The following ZBBX variants were observed in gnomAD, a reference collection of about 807,000 sequenced individuals.
The protein encoded by ZBBX is zinc finger B-box domain containing.
A neutral mutation model predicts 108.5 loss-of-function variants in ZBBX; 101 were observed. That is an observed-to-expected ratio of 0.93 (90% CI 0.79 to 1.10). ZBBX has a LOEUF of 1.10. Among genes scored for constraint, ZBBX ranks in the 50% least tolerant of loss-of-function variants. The pLI, the probability that ZBBX is intolerant of heterozygous loss-of-function variation, is 0.00. For missense variants in ZBBX, 1,009 were observed against 941.4 expected (o/e 1.07, Z -0.94); for synonymous variants, 356 against 323.4 (o/e 1.10, Z -1.08).
At chr3:167,273,487 C>T (rs894460303) in intron 20 of ZBBX, among the ~76,000 whole-genome samples, 2 of 152,186 alleles carry the variant, frequency 1.3e-5, no homozygotes, top group Admixed American at 6.5e-5. Flanking sequence ...CCCCAAGGGC[C>T]ATTCAGCTTC....
intron 1 of ZBBX, among the ~76,000 whole-genome samples, chr3:167,400,625 G>A (rs1443904021): frequency 6.6e-6 from 1 of 152,018 alleles, no homozygotes; most frequent in Non-Finnish European, 1.5e-5. Flanking sequence ...ACAGGTATCA[G>A]TTAATTTAGA....
At chr3:167,222,216 T>C in the ZBBX span, among the ~76,000 whole-genome samples, 2 of 24,994 alleles carry the variant, frequency 8.0e-5, no homozygotes, top group Non-Finnish European at 1.5e-4. Flanking sequence ...TGGAGTACTA[T>C]TTGGCCAAAA....
At chr3:167,317,448 A>G (rs779990418) in intron 13 of ZBBX, 40 bp downstream of exon 13, 1 of 1,469,020 alleles carries the variant, frequency 6.8e-7, no homozygotes, top group Admixed American at 2.0e-5. Flanking sequence ...ATAACTTGAG[A>G]CAATACATTT....
intron 16 of ZBBX, among the ~76,000 whole-genome samples, chr3:167,312,515 G>A (rs963038473): frequency 2.6e-5 from 4 of 152,130 alleles, no homozygotes; most frequent in African/African-American, 9.7e-5. Flanking sequence ...GATAATGGGG[G>A]AGGCTATGTA....
intron 20 of ZBBX, among the ~76,000 whole-genome samples, chr3:167,245,656 G>C (rs1721442580): frequency 6.6e-6 from 1 of 152,046 alleles, no homozygotes; most frequent in Non-Finnish European, 1.5e-5. Flanking sequence ...GTTCTCATGA[G>C]ATCTGGTTGT....
upstream of ZBBX, among the ~76,000 whole-genome samples, chr3:167,381,912 A>G (rs947520307): frequency 3.3e-5 from 5 of 152,226 alleles, no homozygotes; most frequent in Admixed American, 2.6e-4. Context: ...GTTTTAGGGT[A>G]GATGGCCAGG....
chr3:167,280,327 T>A (rs1255367961), intron 20 of ZBBX, among the ~76,000 whole-genome samples: 4 of 145,752 alleles, frequency 2.7e-5, no homozygotes, highest in Non-Finnish European at 6.0e-5. Flanking sequence ...ACCTATAAAA[T>A]GGGAGAAAAT....
At chr3:167,330,959 C>CTT (rs1388128203) in intron 10 of ZBBX, among the ~76,000 whole-genome samples, 21 of 147,048 alleles carry the variant, frequency 1.4e-4, no homozygotes, top group Non-Finnish European at 2.4e-4. Flanking sequence ...CTCTCTCTCT[C>CTT]TCTCTCCCCC....
chr3:167,185,020 T>C, the ZBBX span, among the ~76,000 whole-genome samples: 3 of 152,148 alleles, frequency 2.0e-5, no homozygotes, highest in East Asian at 1.9e-4. Flanking sequence ...CAAATGCATG[T>C]GAATCTAAAT....
upstream of ZBBX, among the ~76,000 whole-genome samples, chr3:167,381,599 G>A (rs1405632321): frequency 2.0e-5 from 3 of 152,126 alleles, no homozygotes; most frequent in East Asian, 1.9e-4. Flanking sequence ...AGGTGGATGT[G>A]CGATACTACT....
chr3:167,404,515 C>T (rs1748521815), intron 1 of ZBBX, among the ~76,000 whole-genome samples: 1 of 136,602 alleles, frequency 7.3e-6, no homozygotes, highest in Non-Finnish European at 1.5e-5. Context: ...GAGGCAAACC[C>T]TAAATCCACT....
chr3:167,323,784 T>C (rs1296456631), intron 11 of ZBBX, among the ~76,000 whole-genome samples: 1 of 151,964 alleles, frequency 6.6e-6, no homozygotes, highest in Non-Finnish European at 1.5e-5. Context: ...GAAGAACGGG[T>C]AGAAGTCAAG....
chr3:167,312,307 G>C (rs1245504655), intron 16 of ZBBX, among the ~76,000 whole-genome samples: 1 of 152,316 alleles, frequency 6.6e-6, no homozygotes, highest in South Asian at 2.1e-4. Context: ...GTGGGGCACA[G>C]AGAATTTTTA....
At chr3:167,279,947 A>G (rs1228362126) in intron 20 of ZBBX, among the ~76,000 whole-genome samples, 1 of 151,968 alleles carries the variant, frequency 6.6e-6, no homozygotes, top group East Asian at 2.0e-4. Context: ...AACGCCGCAT[A>G]TCTACAGCTA....
intron 20 of ZBBX, among the ~76,000 whole-genome samples, chr3:167,256,558 T>A (rs1018403731): frequency 6.6e-6 from 1 of 152,044 alleles, no homozygotes; most frequent in African/African-American, 2.4e-5. Context: ...TTATGTATTA[T>A]TTCTAACTAT....
At chr3:167,334,715 T>C (rs1477619765) in intron 9 of ZBBX, among the ~76,000 whole-genome samples, 2 of 152,178 alleles carry the variant, frequency 1.3e-5, no homozygotes, top group East Asian at 1.9e-4. Flanking sequence ...CTTTCCACTA[T>C]GCACACCCCC....
At position 167,327,989 on chromosome 3, in the gene ZBBX, C is replaced by G; in HGVS notation, c.815G>C (p.Gly272Ala). The part of the protein sequence containing the change: ...FQEVLSQWRT[G>A]NHDDNKKQNL... ...CTGTTTCTTGTTGTCATCATGATTT[C>G]CGGTTCTCCATTGACTTAACACTTC... The change falls in exon 11 of 22, where the codon GGA becomes GCA. Residue 272 changes from glycine to alanine, a missense_variant. Transcript: ENST00000675490. 1.2e-6 allele frequency: 2 copies of G among 1,606,486 alleles called. No homozygotes were observed. The highest frequency in any genetic ancestry group is 1.7e-6 in the Non-Finnish European group (2 of 1,176,816).
chr3:167,181,965 G>A, the ZBBX span, among the ~76,000 whole-genome samples: 1 of 152,140 alleles, frequency 6.6e-6, no homozygotes, highest in Non-Finnish European at 1.5e-5. Context: ...GGGCAGGCCT[G>A]GGACGGGCCC....
At chr3:167,402,008 G>A (rs1748439575) in intron 1 of ZBBX, among the ~76,000 whole-genome samples, 1 of 152,134 alleles carries the variant, frequency 6.6e-6, no homozygotes, top group East Asian at 1.9e-4. Context: ...CTGGATGCAG[G>A]ACGAGCAGAA....
Sources: allele counts gnomAD v4.1 joint callset (sites outside exome capture counted in the v4.1 genomes callset), GRCh38; gene constraint gnomAD v4.1.1; transcripts MANE v1.5; gene names NCBI Gene and HGNC (gene_info 2026-07-23, HGNC 2026-07-21).